Variants in ENOX1 observed in about 807,000 individuals in gnomAD.
ENOX1 encodes ecto-NOX disulfide-thiol exchanger 1.
ENOX1 carries 42 observed loss-of-function variants against 82.5 expected under a neutral mutation model. The ratio of observed to expected loss-of-function variants is 0.51; its 90% confidence interval spans 0.40 to 0.66. ENOX1 has a LOEUF of 0.66. Among genes scored for constraint, ENOX1 ranks in the 30% least tolerant of loss-of-function variants. ENOX1 has a pLI of 0.00. For synonymous variants in ENOX1, 271 were observed against 282.2 expected (o/e 0.96, Z 0.40); for missense variants, 608 against 811.6 (o/e 0.75, Z 3.05).
At chr13:43,269,885 T>C (rs764159949) in intron 12 of ENOX1, among the ~76,000 whole-genome samples, 13 of 152,210 alleles carry the variant, frequency 8.5e-5, no homozygotes, top group South Asian at 2.1e-4. Context: ...ATTACATTCA[T>C]AGATGAAAAA....
rs1289199483 is a variant in ENOX1 at position 43,786,380 on chromosome 13, G to A, written c.-285+272C>T. Among the ~76,000 whole-genome samples, 1 of 151,868 alleles carries A rather than the reference G, an allele frequency of 6.6e-6. No homozygotes were observed. Among genetic ancestry groups the A allele is most frequent in the Non-Finnish European group, 1.5e-5 (1 of 67,934 alleles). On this transcript the variant is annotated intron_variant, in intron 1 of 16. Transcript: ENST00000690772. The surrounding 1 kb of genome is among the most constrained non-coding windows in gnomAD (Gnocchi z 6.0). ...GCTGGCGGGCGGAGGGGAGAGCGGG[G>A]AACAGCTGTCTGGGGCGCTGGGCAC...
At chr13:43,640,182 T>G (rs2153765374) in intron 2 of ENOX1, among the ~76,000 whole-genome samples, 1 of 152,314 alleles carries the variant, frequency 6.6e-6, no homozygotes, top group African/African-American at 2.4e-5. Context: ...GGGCATCTGT[T>G]TTTAATCTTT....
chr13:43,581,125 C>CTTTTTTTTTTTTTTTTTTTTTTTTT (rs1174448355), intron 2 of ENOX1, among the ~76,000 whole-genome samples: 1 of 77,102 alleles, frequency 1.3e-5, no homozygotes. Flanking sequence ...CTACCTGATT[C>CTTTTTTTTTTTTTTTTTTTTTTTTT]TTTTTTTTTT....
At chr13:43,391,900 G>T (rs984889905) in intron 5 of ENOX1, among the ~76,000 whole-genome samples, 22 of 152,086 alleles carry the variant, frequency 1.4e-4, no homozygotes, top group Non-Finnish European at 3.1e-4. Context: ...ATTAATTTTA[G>T]AATTAAGATC....
At chr13:43,776,391 G>A (rs1202657371) in intron 1 of ENOX1, among the ~76,000 whole-genome samples, 1 of 152,166 alleles carries the variant, frequency 6.6e-6, no homozygotes, top group Non-Finnish European at 1.5e-5. Context: ...AGTGGCAGGG[G>A]TGAAGTTATA....
chr13:43,507,914 A>G (rs975079074), intron 2 of ENOX1, among the ~76,000 whole-genome samples: 8 of 152,108 alleles, frequency 5.3e-5, no homozygotes, highest in Non-Finnish European at 1.0e-4. Context: ...TTATAACTAC[A>G]TATTCATACC....
rs150337363 is a variant in ENOX1, at chr13:43,770,185, T to C, written c.-285+16467A>G. Reference sequence around the variant, plus strand: ...TTCCGCTTCTTCTTTAACAAAACTCTTAGTTTCCAATTCATGAAGTTTGGA... The same window carrying C: ...TTCCGCTTCTTCTTTAACAAAACTCCTAGTTTCCAATTCATGAAGTTTGGA... On this transcript the variant is annotated intron_variant, in intron 1 of 16. Coordinates refer to ENST00000690772, the MANE Select transcript of ENOX1 (RefSeq NM_001347969.2). 3.1e-4 allele frequency among the ~76,000 whole-genome samples: 47 copies of C among 152,340 alleles called. No homozygotes were observed. The Middle Eastern group carries it at 0.014, about 44-fold the overall frequency.
chr13:43,245,532 T>C (rs921324422), intron 14 of ENOX1, among the ~76,000 whole-genome samples: 2 of 152,230 alleles, frequency 1.3e-5, no homozygotes, highest in Admixed American at 6.5e-5. Context: ...TGGTTTCTTA[T>C]GGGAACATAA....
chr13:43,511,472 G>A (rs1484004807), intron 2 of ENOX1, among the ~76,000 whole-genome samples: 1 of 152,076 alleles, frequency 6.6e-6, no homozygotes, highest in Non-Finnish European at 1.5e-5. Flanking sequence ...GTTTACTTCA[G>A]TATAAGCATA....
intron 5 of ENOX1, among the ~76,000 whole-genome samples, chr13:43,376,500 G>A (rs532262958): frequency 6.6e-6 from 1 of 152,194 alleles, no homozygotes; most frequent in Non-Finnish European, 1.5e-5. Flanking sequence ...TTGAAGACAA[G>A]TGTTTAGGCT....
chr13:43,410,722 C>G (rs1420971955), intron 5 of ENOX1, among the ~76,000 whole-genome samples: 2 of 151,642 alleles, frequency 1.3e-5, no homozygotes, highest in Non-Finnish European at 2.9e-5. Context: ...CAACAAAAAA[C>G]AAATGCTTGG....
At chr13:43,724,197 C>T (rs966892703) in intron 1 of ENOX1, among the ~76,000 whole-genome samples, 1 of 152,172 alleles carries the variant, frequency 6.6e-6, no homozygotes, top group Non-Finnish European at 1.5e-5. Flanking sequence ...TTTGCCTCTC[C>T]ACCAGTCCTT....
chr13:43,732,381 T>C (rs1396902700), intron 1 of ENOX1, among the ~76,000 whole-genome samples: 1 of 152,220 alleles, frequency 6.6e-6, no homozygotes, highest in East Asian at 1.9e-4. Context: ...CATGAGAATA[T>C]ACTCTCAAAT....
intron 5 of ENOX1, among the ~76,000 whole-genome samples, chr13:43,402,154 G>A (rs558694581): frequency 7.4e-4 from 113 of 152,224 alleles, no homozygotes; most frequent in African/African-American, 2.6e-3. Context: ...CTCCATCTGT[G>A]CAAGAAGGTA....
At chr13:43,572,391 T>A (rs946978994) in intron 2 of ENOX1, among the ~76,000 whole-genome samples, 4 of 152,206 alleles carry the variant, frequency 2.6e-5, no homozygotes, top group African/African-American at 9.7e-5. Flanking sequence ...TCTTGCCTGT[T>A]GGAAGCACTA....
intron 2 of ENOX1, among the ~76,000 whole-genome samples, chr13:43,542,800 C>T (rs758515717): frequency 1.3e-5 from 2 of 152,198 alleles, no homozygotes; most frequent in African/African-American, 4.8e-5. Flanking sequence ...TTATAAACAA[C>T]AGAAATCAAT....
chr13:43,721,439 C>T (rs984676126), intron 1 of ENOX1, among the ~76,000 whole-genome samples: 2 of 119,092 alleles, frequency 1.7e-5, no homozygotes, highest in Non-Finnish European at 3.2e-5. Context: ...AGTGCAGTGG[C>T]GGGATCTCGG....
intron 3 of ENOX1, among the ~76,000 whole-genome samples, chr13:43,450,132 T>A (rs2056880394): frequency 6.6e-6 from 1 of 152,180 alleles, no homozygotes; most frequent in South Asian, 2.1e-4. Context: ...ACGTTCTATG[T>A]GGTTATCCCT....
At chr13:43,560,766 T>C (rs1018332907) in intron 2 of ENOX1, among the ~76,000 whole-genome samples, 1 of 152,200 alleles carries the variant, frequency 6.6e-6, no homozygotes, top group Non-Finnish European at 1.5e-5. Flanking sequence ...GCACAGATTG[T>C]ATGGCGCCAG....
Sources: gnomAD v4.1 joint callset for allele counts (sites outside exome capture counted in the v4.1 genomes callset) on GRCh38, gnomAD v4.1.1 for gene constraint, Gnocchi (gnomAD v3.1) non-coding constraint, MANE v1.5 for transcripts, NCBI Gene and HGNC (gene_info 2026-07-23, HGNC 2026-07-21) for gene names.